NT5DC4: variants seen among roughly 807,000 people sequenced by gnomAD.
NT5DC4 encodes the protein 5'-nucleotidase domain-containing protein 4.
Under a neutral mutation model 26.6 loss-of-function variants are expected in NT5DC4, and 44 were observed. The ratio of observed to expected loss-of-function variants is 1.65; its 90% CI spans 1.30 to 2.13. NT5DC4 has a LOEUF of 2.13. Among genes scored for constraint, NT5DC4 ranks in the 30% most tolerant of loss-of-function variants. NT5DC4 has a pLI of 0.00. For synonymous variants in NT5DC4, 157 were observed against 86.7 expected (o/e 1.81, Z -4.51); for missense variants, 399 against 228.1 (o/e 1.75, Z -4.83).
intron 16 of NT5DC4, among the ~76,000 whole-genome samples, chr2:112,735,129 T>C (rs1678961573): frequency 1.4e-5 from 2 of 143,048 alleles, no homozygotes; most frequent in Admixed American, 1.5e-4. Flanking sequence ...CTGCAACCTC[T>C]GCCTCCCAGG....
chr2:112,741,609 C>T (rs1679971121), downstream of NT5DC4, among the ~76,000 whole-genome samples: 2 of 152,210 alleles, frequency 1.3e-5, no homozygotes, highest in Admixed American at 1.3e-4. Context: ...TTCCTGTCTT[C>T]TCTTTTTATT....
chr2:112,738,901 C>T lies in NT5DC4; in HGVS notation c.1345-12C>T, dbSNP rs1166127877. ...GGAATATAAAACATTTTGTTTCTTC[C>T]ACTTCTAACAGTTCATCAAGAGAAG... On this transcript the variant is annotated splice_polypyrimidine_tract_variant and intron_variant, in intron 16 of 16. Transcript: ENST00000688554. 2 of 1,613,940 alleles carry T rather than the reference C, an allele frequency of 1.2e-6. No individual in the cohort carries two copies. The highest frequency in any genetic ancestry group is 1.3e-5 in the African/African-American group (1 of 74,894).
upstream of NT5DC4, among the ~76,000 whole-genome samples, chr2:112,719,354 C>T (rs867180915): frequency 6.6e-6 from 1 of 152,192 alleles, no homozygotes; most frequent in African/African-American, 2.4e-5. Flanking sequence ...GGAAGGAGCT[C>T]TTCCATGGAT....
downstream of NT5DC4, among the ~76,000 whole-genome samples, chr2:112,739,349 AG>A (rs1267783938): frequency 6.6e-6 from 1 of 152,150 alleles, no homozygotes; most frequent in Non-Finnish European, 1.5e-5. Context: ...TGAGCCCAGA[AG>A]GTCAAGGCTG....
intron 16 of NT5DC4, among the ~76,000 whole-genome samples, chr2:112,732,139 G>C (rs570045379): frequency 1.6e-4 from 25 of 152,118 alleles, no homozygotes; most frequent in African/African-American, 5.5e-4. Context: ...TCAAATTCCT[G>C]ACCTCAAGTG....
chr2:112,723,417 G>A lies in NT5DC4; in HGVS notation c.622-1G>A, dbSNP rs1423007081. 1.4e-6 allele frequency: 1 copy of A among 697,096 alleles called. No homozygotes were observed. Among genetic ancestry groups the A allele is most frequent in the Admixed American group, 2.1e-5 (1 of 47,800 alleles). The allele number at this position is 697,096 out of a possible 1,614,324, so 43.2% of individuals were successfully genotyped here. On this transcript the variant is annotated splice_acceptor_variant, in intron 7 of 16. Transcript: ENST00000688554. LOFTEE classifies it high-confidence loss of function. ...CACAGGCACTTTGCTCCCTCCTGCA[G>A]GGCTGTCTCAAGAAGACCCTGGAGG...
Position 112,734,175 on chromosome 2 carries a change from G to A in NT5DC4, c.1344+4471G>A, listed in dbSNP as rs959910808. Among the ~76,000 whole-genome samples, 86 of 148,452 alleles carry A rather than the reference G, an allele frequency of 5.8e-4. 2 individuals carry two copies. The highest frequency in any genetic ancestry group is 4.9e-4 in the African/African-American group (19 of 38,762). On this transcript the variant is annotated intron_variant, in intron 16 of 16. Transcript: ENST00000688554. ...TTTCTATGCTATTATATATATGTGTGTGTGTGTGTGTGTGTGTGTGTGTGT... is the reference window on the plus strand; with the variant it reads ...TTTCTATGCTATTATATATATGTGTATGTGTGTGTGTGTGTGTGTGTGTGT...
At chr2:112,741,736 CAT>C (rs1375387868), downstream of NT5DC4, among the ~76,000 whole-genome samples, 1 of 152,120 alleles carries the variant, frequency 6.6e-6, no homozygotes, top group Non-Finnish European at 1.5e-5. Context: ...TACTTAGCTA[CAT>C]GACTTGATTG....
rs1253729799 is a variant in NT5DC4 at position 112,729,656 on chromosome 2, A to C, written c.1296A>C (p.Glu432Asp). ...CACATGAGTCAGTTGTGGAGCAAGA[A>C]CAGGCCAATCTAGACCCTGCCTCCT... ...QMPHESVVEQEQANLDPASCL... is the reference protein window; with the variant it reads ...QMPHESVVEQDQANLDPASCL... Residue 432 changes from glutamate (E) to aspartate (D), a missense_variant, in exon 16 of 17, where the codon GAA becomes GAC. Coordinates refer to ENST00000688554, the MANE Select transcript of NT5DC4 (RefSeq NM_001393655.1). 3 of 717,956 alleles carry C rather than the reference A, an allele frequency of 4.2e-6. No individual in the cohort carries two copies. The highest frequency in any genetic ancestry group is 1.5e-5 in the South Asian group (1 of 67,606). The allele number at this position is 717,956 out of a possible 1,614,324, so 44.5% of individuals were successfully genotyped here.
intron 4 of NT5DC4, 78 bp from the exon 5 acceptor site, chr2:112,722,405 C>T (rs1558721809): frequency 7.0e-6 from 5 of 713,704 alleles, no homozygotes; most frequent in South Asian, 3.0e-5. Flanking sequence ...AGAAGGGATG[C>T]GTGGTGGTTG....
At chr2:112,718,972 A>G (rs913093745), upstream of NT5DC4, among the ~76,000 whole-genome samples, 4 of 152,158 alleles carry the variant, frequency 2.6e-5, no homozygotes, top group African/African-American at 9.7e-5. Context: ...GGAAACACAT[A>G]TCCTACAGCC....
chr2:112,726,599 C>T (rs886218198), intron 14 of NT5DC4, 79 bp from the exon 15 acceptor site: 2 of 715,186 alleles, frequency 2.8e-6, no homozygotes, highest in African/African-American at 3.5e-5. Flanking sequence ...CACCCGACCC[C>T]TGCTGGGGTC....
At chr2:112,730,821 G>A (rs993711792) in intron 16 of NT5DC4, among the ~76,000 whole-genome samples, 1 of 152,212 alleles carries the variant, frequency 6.6e-6, no homozygotes, top group Non-Finnish European at 1.5e-5. Context: ...CTGCCTAGGA[G>A]AAGCTCAAAA....
downstream of NT5DC4, chr2:112,742,419 C>A (rs917184671): frequency 1.7e-5 from 12 of 717,572 alleles, 1 homozygote; most frequent in African/African-American, 1.4e-4. Flanking sequence ...CAGTCTCTTC[C>A]AGCAAAGAGC....
upstream of NT5DC4, among the ~76,000 whole-genome samples, chr2:112,719,924 C>CTCTTTCTTTCTTTCTTTTTT (rs1676693893): frequency 5.2e-4 from 36 of 69,152 alleles, no homozygotes; most frequent in African/African-American, 2.2e-3. Context: ...TTCTTTCTTT[C>CTCTTTCTTTCTTTCTTTTTT]TCTTTCTTTC....
chr2:112,719,713 C>T (rs1056148412), upstream of NT5DC4, among the ~76,000 whole-genome samples: 7 of 151,628 alleles, frequency 4.6e-5, no homozygotes, highest in East Asian at 1.9e-4. Flanking sequence ...CTCAAACTCC[C>T]GACCTAGTGA....
At chr2:112,739,154 T>C, downstream of NT5DC4, 6 of 872,354 alleles carry the variant, frequency 6.9e-6, no homozygotes, top group South Asian at 5.2e-5. Flanking sequence ...CATTTTAACA[T>C]AGGGTGATAC....
upstream of NT5DC4, among the ~76,000 whole-genome samples, chr2:112,719,686 G>A (rs879658732): frequency 6.6e-5 from 10 of 151,802 alleles, no homozygotes; most frequent in South Asian, 2.1e-4. Flanking sequence ...GGGTTTCACC[G>A]TGCTGGCCAG....
chr2:112,727,061 A>G (rs1399266572), intron 15 of NT5DC4: 5 of 377,392 alleles, frequency 1.3e-5, no homozygotes, highest in South Asian at 3.2e-5. Flanking sequence ...GCCAGTTCTG[A>G]TAGGAAATGT....
Sources: allele counts gnomAD v4.1 joint callset (sites outside exome capture counted in the v4.1 genomes callset), GRCh38; gene constraint gnomAD v4.1.1; transcripts MANE v1.5; gene names NCBI Gene and HGNC (gene_info 2026-07-23, HGNC 2026-07-21).